Variants in SSBP2 observed in about 807,000 individuals in gnomAD.
SSBP2 encodes the protein single stranded DNA binding protein 2.
In SSBP2, 17 loss-of-function variants were observed where a neutral mutation model predicts 61.8. The ratio of observed to expected loss-of-function variants is 0.28; its 90% CI spans 0.19 to 0.41. SSBP2 has a LOEUF of 0.41. SSBP2 is among the 10% of genes least tolerant of loss of function. SSBP2 has a pLI of 1.00. For synonymous variants in SSBP2, 139 were observed against 141.3 expected (o/e 0.98, Z 0.12); for missense variants, 310 against 458.7 (o/e 0.68, Z 2.96).
chr5:81,609,048 G>A (rs538809161), intron 4 of SSBP2, among the ~76,000 whole-genome samples: 1 of 152,120 alleles, frequency 6.6e-6, no homozygotes, highest in South Asian at 2.1e-4. Context: ...GAAATGCTTT[G>A]GTTAAAAGAG....
rs190808785 is a variant in SSBP2 at position 81,633,959 on chromosome 5, T to C, written c.197+2598A>G. On this transcript the variant is annotated intron_variant, in intron 3 of 16. Transcript: ENST00000320672. ...CGTGTTCCATCCATTATCTATTCTA[T>C]AGAACTAGAGTGACATGGCTAAGAT... Among the ~76,000 whole-genome samples, 15 of 152,344 alleles carry C rather than the reference T, an allele frequency of 9.8e-5. No individual in the cohort carries two copies. The East Asian group carries it at 2.3e-3, about 23-fold the overall frequency.
chr5:81,508,613 ATTAT>A (rs1199857139), intron 5 of SSBP2, among the ~76,000 whole-genome samples: 3 of 152,168 alleles, frequency 2.0e-5, no homozygotes, highest in Non-Finnish European at 2.9e-5. Context: ...TTATATCATA[ATTAT>A]TTATTTTAGA....
At chr5:81,563,332 T>C (rs73766274) in intron 4 of SSBP2, among the ~76,000 whole-genome samples, 6,364 of 152,022 alleles carry the variant, frequency 0.042, 442 homozygotes, top group African/African-American at 0.14. Flanking sequence ...AAATCCCGAA[T>C]CCAAACTCTG....
chr5:81,424,689 T>C (rs1469334497), intron 16 of SSBP2, among the ~76,000 whole-genome samples: 1 of 152,194 alleles, frequency 6.6e-6, no homozygotes, highest in Non-Finnish European at 1.5e-5. Context: ...ACAAAATTTC[T>C]AGGAAAACTC....
chr5:81,538,593 CT>C (rs1322311446), intron 4 of SSBP2, among the ~76,000 whole-genome samples: 5 of 152,320 alleles, frequency 3.3e-5, no homozygotes, highest in Non-Finnish European at 7.3e-5. Flanking sequence ...TCAATGCATG[CT>C]TTCAAATATT....
At chr5:81,546,143 GT>G (rs201289872) in intron 4 of SSBP2, among the ~76,000 whole-genome samples, 1,830 of 152,208 alleles carry the variant, frequency 0.012, 36 homozygotes, top group African/African-American at 0.042. Context: ...AGTACTTTAT[GT>G]AATCTCATTT....
chr5:81,676,593 C>T (rs1043439623), intron 1 of SSBP2, among the ~76,000 whole-genome samples: 2 of 152,158 alleles, frequency 1.3e-5, no homozygotes, highest in South Asian at 4.1e-4. Context: ...TAGAATTTCC[C>T]CTCCTGCTAA....
intron 3 of SSBP2, among the ~76,000 whole-genome samples, chr5:81,631,194 G>C (rs1747675130): frequency 6.6e-6 from 1 of 152,122 alleles, no homozygotes; most frequent in African/African-American, 2.4e-5. Context: ...TGAACCGTTG[G>C]AACAACTCTG....
At chr5:81,657,377 T>C (rs902098244) in intron 1 of SSBP2, among the ~76,000 whole-genome samples, 1 of 152,222 alleles carries the variant, frequency 6.6e-6, no homozygotes, top group South Asian at 2.1e-4. Context: ...GGGAAATATA[T>C]TTTTGCAAAA....
rs142382596 is a variant in SSBP2 at position 81,470,304 on chromosome 5, G to C, written c.571-3263C>G. ...CAAGTAGAAAACTGGTTTCATATATGATATTAGAAAAGATATTTTTCTTGA... is the reference window on the plus strand; with the variant it reads ...CAAGTAGAAAACTGGTTTCATATATCATATTAGAAAAGATATTTTTCTTGA... On this transcript the variant is annotated intron_variant, in intron 8 of 16. Coordinates refer to ENST00000320672, the MANE Select transcript of SSBP2 (RefSeq NM_012446.5). Among the ~76,000 whole-genome samples, 32 of 54,944 alleles carry C rather than the reference G, an allele frequency of 5.8e-4. No homozygotes were observed. In the African/African-American group the frequency reaches 0.014, roughly 25 times the overall value. 36.0% of individuals were successfully genotyped at this position (54,944 alleles called of 152,430 possible).
intron 4 of SSBP2, among the ~76,000 whole-genome samples, chr5:81,556,930 C>T (rs1772651632): frequency 6.6e-6 from 1 of 152,122 alleles, no homozygotes; most frequent in African/African-American, 2.4e-5. Context: ...AATACCTGGT[C>T]CATAATAAGC....
intron 6 of SSBP2, 51 bp from the exon 7 acceptor site, chr5:81,474,613 A>G (rs1191820808): frequency 6.5e-6 from 9 of 1,381,762 alleles, no homozygotes; most frequent in African/African-American, 3.0e-5. Context: ...TATTTATAAA[A>G]TAAGTTTTTT....
At chr5:81,636,328 C>T (rs1287317776) in intron 3 of SSBP2, 3 of 405,038 alleles carry the variant, frequency 7.4e-6, no homozygotes, top group African/African-American at 4.1e-5. Flanking sequence ...ATTGTACTTA[C>T]AGTTGGAGAT....
intron 5 of SSBP2, among the ~76,000 whole-genome samples, chr5:81,493,415 G>T (rs1050382996): frequency 1.3e-5 from 2 of 151,762 alleles, no homozygotes; most frequent in African/African-American, 2.4e-5. Flanking sequence ...CTCCTGAGTA[G>T]CTGGGACTAC....
chr5:81,638,328 C>T (rs1748439258), intron 2 of SSBP2, among the ~76,000 whole-genome samples: 1 of 149,138 alleles, frequency 6.7e-6, no homozygotes, highest in Non-Finnish European at 1.5e-5. Context: ...AATAAATAAC[C>T]TGATTTAAAA....
chr5:81,585,253 T>C (rs916464774), intron 4 of SSBP2, among the ~76,000 whole-genome samples: 1 of 152,062 alleles, frequency 6.6e-6, no homozygotes, highest in Non-Finnish European at 1.5e-5. Flanking sequence ...TCCTTTGCCC[T>C]TTTTTTCTAC....
At chr5:81,582,744 C>T (rs1285627053) in intron 4 of SSBP2, among the ~76,000 whole-genome samples, 1 of 152,244 alleles carries the variant, frequency 6.6e-6, no homozygotes, top group East Asian at 1.9e-4. Flanking sequence ...CAGGCGTGCA[C>T]CACCATGCTC....
intron 1 of SSBP2, among the ~76,000 whole-genome samples, chr5:81,734,709 C>A (rs141965793): frequency 6.6e-6 from 1 of 152,154 alleles, no homozygotes; most frequent in South Asian, 2.1e-4. Flanking sequence ...CGGTGGCTCA[C>A]GCCTGTAATG....
intron 15 of SSBP2, among the ~76,000 whole-genome samples, chr5:81,430,239 A>G (rs1232270029): frequency 6.6e-6 from 1 of 152,246 alleles, no homozygotes; most frequent in African/African-American, 2.4e-5. Flanking sequence ...AGATTTACTT[A>G]TAATTTATAA....
Sources: allele counts gnomAD v4.1 joint callset (sites outside exome capture counted in the v4.1 genomes callset), GRCh38; gene constraint gnomAD v4.1.1; transcripts MANE v1.5; gene names NCBI Gene and HGNC (gene_info 2026-07-23, HGNC 2026-07-21).